The following CTNNA2 variants were observed in gnomAD, a reference collection of about 807,000 sequenced individuals.
CTNNA2 encodes the protein catenin alpha-2.
Under a neutral mutation model 101.0 loss-of-function variants are expected in CTNNA2, and 42 were observed. The observed-to-expected ratio is 0.42, with a 90% confidence interval of 0.32 to 0.54. CTNNA2 has a LOEUF of 0.54. CTNNA2 is among the 20% of genes least tolerant of loss of function. The pLI is 0.14. For missense variants in CTNNA2, 871 were observed against 1,223.1 expected (o/e 0.71, Z 4.29); for synonymous variants, 450 against 456.4 (o/e 0.99, Z 0.18).
At chr2:79,570,060 A>G (rs1315139450) in intron 1 of CTNNA2, among the ~76,000 whole-genome samples, 2 of 152,222 alleles carry the variant, frequency 1.3e-5, no homozygotes, top group South Asian at 2.1e-4. Context: ...GTCTTAAACC[A>G]GAACTTCAAT....
intron 1 of CTNNA2, among the ~76,000 whole-genome samples, chr2:79,650,053 G>A (rs574885876): frequency 6.6e-6 from 1 of 151,816 alleles, no homozygotes; most frequent in Non-Finnish European, 1.5e-5. Flanking sequence ...TGGTATTAAG[G>A]CAAATCATTC....
chr2:80,574,421 G>A, intron 13 of CTNNA2, 107 bp downstream of exon 13: 1 of 1,347,070 alleles, frequency 7.4e-7, no homozygotes, highest in Non-Finnish European at 9.8e-7. Flanking sequence ...GTTTAACTTG[G>A]TAAGCTGTTT....
chr2:80,407,604 T>C (rs910797850), intron 8 of CTNNA2, among the ~76,000 whole-genome samples: 1 of 152,222 alleles, frequency 6.6e-6, no homozygotes, highest in African/African-American at 2.4e-5. Context: ...TGCCAATCCC[T>C]GCTCTAAAAG....
chr2:79,616,237 A>AT lies in CTNNA2; in HGVS notation c.-5-35307dup, dbSNP rs59933618. Among the ~76,000 whole-genome samples the AT allele has an allele frequency of 2.6e-3, 395 of 152,166 alleles. 1 individual carries two copies. The highest frequency in any genetic ancestry group is 0.017 in the Middle Eastern group (5 of 294). ...AAGTGTATCTTTGGCATATTGCTAG[A>AT]TTTTTTTTAAAGTAGCAATTCAATA... On this transcript the variant is annotated intron_variant, in intron 1 of 18. Transcript: ENST00000402739.
At chr2:79,376,669 T>G (rs1012197748) in intron 4 of CTNNA2, among the ~76,000 whole-genome samples, 34 of 152,192 alleles carry the variant, frequency 2.2e-4, no homozygotes, top group African/African-American at 7.2e-4. Context: ...TGGTGTGTGA[T>G]GTTCCCCTTG....
chr2:80,163,779 CA>C (rs1704486552), intron 7 of CTNNA2, among the ~76,000 whole-genome samples: 1 of 151,972 alleles, frequency 6.6e-6, no homozygotes, highest in African/African-American at 2.4e-5. Context: ...TTTTGCTTCA[CA>C]TATTTTATAA....
At chr2:80,221,887 T>A (rs1248189067) in intron 7 of CTNNA2, among the ~76,000 whole-genome samples, 1 of 152,238 alleles carries the variant, frequency 6.6e-6, no homozygotes, top group Non-Finnish European at 1.5e-5. Context: ...AATTTAATCA[T>A]GCAGGTTTAA....
At chr2:80,143,099 A>C (rs1484976094) in intron 7 of CTNNA2, among the ~76,000 whole-genome samples, 1 of 152,172 alleles carries the variant, frequency 6.6e-6, no homozygotes, top group Non-Finnish European at 1.5e-5. Context: ...ACAATGCCTT[A>C]TTCTCCAGCA....
chr2:79,983,482 C>T (rs1355881599), intron 7 of CTNNA2, among the ~76,000 whole-genome samples: 1 of 152,082 alleles, frequency 6.6e-6, no homozygotes. Context: ...ATGGTGCGTG[C>T]TTCTCTAAGA....
intron 12 of CTNNA2, among the ~76,000 whole-genome samples, chr2:80,567,386 C>T (rs1694153495): frequency 6.6e-6 from 1 of 152,154 alleles, no homozygotes; most frequent in African/African-American, 2.4e-5. Flanking sequence ...GAACTTCAGA[C>T]TCGGTCTTCT....
intron 3 of CTNNA2, among the ~76,000 whole-genome samples, chr2:79,766,997 G>A (rs60904457): frequency 0.16 from 24,817 of 151,568 alleles, 2,495 homozygotes; most frequent in East Asian, 0.46. Flanking sequence ...CTCGTGATCC[G>A]CCTGCCTCGG....
At chr2:80,476,942 G>A (rs1171553823) in intron 9 of CTNNA2, among the ~76,000 whole-genome samples, 1 of 152,158 alleles carries the variant, frequency 6.6e-6, no homozygotes, top group African/African-American at 2.4e-5. Flanking sequence ...TAATTTTAGA[G>A]TAAAGAGGCC....
At chr2:79,984,198 T>C (rs1691596263) in intron 7 of CTNNA2, among the ~76,000 whole-genome samples, 2 of 152,210 alleles carry the variant, frequency 1.3e-5, no homozygotes, top group African/African-American at 4.8e-5. Flanking sequence ...TGCCACGGAA[T>C]TTTCATGTGT....
At chr2:79,212,974 G>T (rs1355388003) in intron 2 of CTNNA2, among the ~76,000 whole-genome samples, 4 of 152,146 alleles carry the variant, frequency 2.6e-5, no homozygotes, top group Non-Finnish European at 4.4e-5. Flanking sequence ...CTAAGAGATG[G>T]GCTAGTGGCT....
chr2:79,273,922 G>A (rs1016697246), intron 2 of CTNNA2, among the ~76,000 whole-genome samples: 5 of 151,702 alleles, frequency 3.3e-5, no homozygotes, highest in East Asian at 1.9e-4. Context: ...CCCTGATTCC[G>A]CTCTTTGTGG....
At chr2:80,310,916 TGATCTGA>T (rs1227000157) in intron 7 of CTNNA2, among the ~76,000 whole-genome samples, 1 of 147,156 alleles carries the variant, frequency 6.8e-6, no homozygotes, top group Non-Finnish European at 1.5e-5. Context: ...GATGTTGCAG[TGATCTGA>T]GATCGCGCTA....
At chr2:79,341,991 G>A (rs1050364873) in intron 3 of CTNNA2, among the ~76,000 whole-genome samples, 46 of 152,244 alleles carry the variant, frequency 3.0e-4, no homozygotes, top group Middle Eastern at 3.4e-3. Context: ...CACCATTCTT[G>A]ACACTCACTA....
chr2:80,545,107 T>C (rs1243830588), intron 10 of CTNNA2, 33 bp downstream of exon 10: 1 of 1,602,036 alleles, frequency 6.2e-7, no homozygotes, highest in Non-Finnish European at 8.5e-7. Context: ...CAAAAGCCTG[T>C]CAGTGACCTT....
chr2:79,772,542 C>T (rs532147039), intron 3 of CTNNA2, among the ~76,000 whole-genome samples: 24 of 152,274 alleles, frequency 1.6e-4, no homozygotes, highest in Admixed American at 5.2e-4. Flanking sequence ...GTTTTGTTGA[C>T]TCTCTGCCTT....
Sources: allele counts gnomAD v4.1 joint callset (sites outside exome capture counted in the v4.1 genomes callset), GRCh38; gene constraint gnomAD v4.1.1; transcripts MANE v1.5; gene names NCBI Gene and HGNC (gene_info 2026-07-23, HGNC 2026-07-21).